VPS16: variants seen among roughly 807,000 people sequenced by gnomAD.
The protein encoded by VPS16 is VPS16 core subunit of CORVET and HOPS complexes, also known as vacuolar protein sorting-associated protein 16 homolog.
A neutral mutation model predicts 116.0 loss-of-function variants in VPS16; 82 were observed. The observed-to-expected ratio is 0.71, with a 90% CI of 0.59 to 0.85. VPS16 has a LOEUF of 0.85. Among genes scored for constraint, VPS16 ranks in the 40% least tolerant of loss-of-function variants. VPS16 has a pLI of 0.00. For missense variants in VPS16, 928 were observed against 1,090.6 expected, an observed-to-expected ratio of 0.85 and a Z score of 2.10; for synonymous variants, 406 against 420.7, an observed-to-expected ratio of 0.96 and a Z score of 0.43.
rs6115700 is a variant in VPS16 at position 2,863,879 on chromosome 20, C to T, written c.1477-70C>T. The T allele has an allele frequency of 6.0e-5, 95 of 1,582,906 alleles. No homozygotes were observed. The highest frequency in any genetic ancestry group is 7.6e-5 in the Non-Finnish European group (88 of 1,161,202). ...AGGAAGGGAACTGAAGGGGTGGGTC[C>T]TAAGGGCTTGCAGGAGTGGAGAGTG... On this transcript the variant is annotated intron_variant, in intron 15 of 23. Transcript: ENST00000380445. This position sits in a 1 kb window ranked among gnomAD's most constrained non-coding sequence, Gnocchi z 4.4.
chr20:2,846,638 G>T (rs60988802), intron 1 of VPS16, among the ~76,000 whole-genome samples: 28,255 of 151,988 alleles, frequency 0.19, 3,910 homozygotes, highest in African/African-American at 0.39. Context: ...TGGGATTTGG[G>T]AATTACTGGA....
chr20:2,854,344 C>G (rs2089151297), intron 1 of VPS16, among the ~76,000 whole-genome samples: 1 of 151,394 alleles, frequency 6.6e-6, no homozygotes, highest in Admixed American at 6.6e-5. Context: ...TCACTTGAGT[C>G]CAGGAGTTTG....
rs375936959 is a variant in VPS16, at chr20:2,866,526, C to T, written c.2472C>T (p.Ala824=). The T allele has an allele frequency of 9.3e-6, 15 of 1,614,168 alleles. No individual in the cohort carries two copies. In the African/African-American group the frequency reaches 1.1e-4, roughly 11 times the overall value. ...ACTGCACGGGAGCCACAGATGGGGC[C>T]ACAGCTGACAAGATTCAACGGGCCA... ...LSHCTGATDG[A]TADKIQRARA... is the part of the protein sequence containing the mutation. The change falls in exon 24 of 24, where the codon GCC becomes GCT. Residue 824 remains alanine (A), a synonymous_variant. Transcript: ENST00000380445.
intron 1 of VPS16, among the ~76,000 whole-genome samples, chr20:2,854,308 C>T (rs2089150975): frequency 6.7e-6 from 1 of 148,914 alleles, no homozygotes; most frequent in Non-Finnish European, 1.5e-5. Context: ...GTAGTCCCAG[C>T]TACTCAGGAG....
At chr20:2,845,440 A>G (rs1186253827) in intron 1 of VPS16, among the ~76,000 whole-genome samples, 1 of 152,068 alleles carries the variant, frequency 6.6e-6, no homozygotes, top group African/African-American at 2.4e-5. Flanking sequence ...TACTCCTGAA[A>G]TTATTTTTAG....
At position 2,864,537 on chromosome 20, in the gene VPS16, G is replaced by A. The variant is rs1239752241; in HGVS notation, c.1819-10G>A. On this transcript the variant is annotated splice_polypyrimidine_tract_variant and intron_variant, in intron 18 of 23. Transcript: ENST00000380445. This position sits in a 1 kb window ranked among gnomAD's most constrained non-coding sequence, Gnocchi z 5.2. ...GGCCTTGCTGACTGATTGCCTGCCT[G>A]TGGCCCCAGTTCTGTAAGCATCAGG... 6.2e-7 allele frequency: 1 copy of A among 1,614,164 alleles called. No homozygotes were observed. The highest frequency in any genetic ancestry group is 2.2e-5 in the East Asian group (1 of 44,886).
At chr20:2,854,557 G>T (rs1348549082) in intron 1 of VPS16, among the ~76,000 whole-genome samples, 1 of 152,084 alleles carries the variant, frequency 6.6e-6, no homozygotes, top group African/African-American at 2.4e-5. Context: ...ACTTTGGGAG[G>T]CTGAGGCAGG....
At position 2,865,956 on chromosome 20, in the gene VPS16, A is replaced by T. The variant is rs966705483; in HGVS notation, c.2272-256A>T. The T allele has an allele frequency of 5.6e-6, 3 of 537,206 alleles. No individual in the cohort carries two copies. Among genetic ancestry groups the T allele is most frequent in the Non-Finnish European group, 1.0e-5 (3 of 298,522 alleles). The allele number at this position is 537,206 out of a possible 1,614,324, so 33.3% of individuals were successfully genotyped here. ...GCAGGAACGCCTGTTGCAAGGGGTA[A>T]TGGTGGGTGGTAGAGCAGAAGCGTG... On this transcript the variant is annotated intron_variant, in intron 22 of 23. Transcript: ENST00000380445. This position sits in a 1 kb window ranked among gnomAD's most constrained non-coding sequence, Gnocchi z 5.2.
chr20:2,847,548 G>A lies in VPS16; in HGVS notation c.53+6721G>A, dbSNP rs1302325007. 6.0e-5 allele frequency among the ~76,000 whole-genome samples: 9 copies of A among 150,212 alleles called. No individual in the cohort carries two copies. The East Asian group carries it at 1.2e-3, about 20-fold the overall frequency. On this transcript the variant is annotated intron_variant, in intron 1 of 23. Transcript: ENST00000380445. ...GGCTGGAGTGCAATGGCATGATCTC[G>A]GCTCACTGCAACCTCTGCCTTCCGG... is the stretch of plus-strand genomic sequence containing the variant.
chr20:2,846,531 C>G (rs2089061835), intron 1 of VPS16, among the ~76,000 whole-genome samples: 1 of 152,144 alleles, frequency 6.6e-6, no homozygotes, highest in African/African-American at 2.4e-5. Context: ...TTTTACATTC[C>G]CAGCAACAAT....
rs192365764 is a variant in VPS16, at chr20:2,853,008, C to T, written c.54-6711C>T. On this transcript the variant is annotated intron_variant, in intron 1 of 23. Transcript: ENST00000380445. ...AATTGGAGTTAATCCTTTCAAACCACGCCGCTGCTTTATTAACTAAGTATA... is the reference window on the plus strand; with the variant it reads ...AATTGGAGTTAATCCTTTCAAACCATGCCGCTGCTTTATTAACTAAGTATA... 1.3e-4 allele frequency among the ~76,000 whole-genome samples: 20 copies of T among 152,336 alleles called. No individual in the cohort carries two copies. The East Asian group carries it at 3.1e-3, about 23-fold the overall frequency.
rs771740378 is a variant in VPS16, at chr20:2,864,545, A to G, written c.1819-2A>G. ...TGACTGATTGCCTGCCTGTGGCCCCAGTTCTGTAAGCATCAGGAGCTAGAG... is the reference window on the plus strand; with the variant it reads ...TGACTGATTGCCTGCCTGTGGCCCCGGTTCTGTAAGCATCAGGAGCTAGAG... On this transcript the variant is annotated splice_acceptor_variant, in intron 18 of 23. Coordinates refer to ENST00000380445, the MANE Select transcript of VPS16 (RefSeq NM_022575.4). LOFTEE classifies it high-confidence loss of function. This position sits in a 1 kb window ranked among gnomAD's most constrained non-coding sequence, Gnocchi z 5.2. 43 of 1,613,998 alleles carry G rather than the reference A, an allele frequency of 2.7e-5. No homozygotes were observed. Among genetic ancestry groups the G allele is most frequent in the Non-Finnish European group, 3.5e-5 (41 of 1,180,018 alleles).
chr20:2,863,402 AG>A lies in VPS16; in HGVS notation c.1476+6del. 6.2e-7 allele frequency: 1 copy of A among 1,613,880 alleles called. No individual in the cohort carries two copies. Among genetic ancestry groups the A allele is most frequent in the Non-Finnish European group, 8.5e-7 (1 of 1,179,820 alleles). ...GGCCCACTGGGCCTGCTACAAGGCA[AG>A]GATGTGGGATGGGGTCCAAGGGCAT... is the stretch of plus-strand genomic sequence containing the variant. On this transcript the variant is annotated splice_donor_5th_base_variant and intron_variant, in intron 15 of 23. Transcript: ENST00000380445. The surrounding 1 kb of genome is among the most constrained non-coding windows in gnomAD (Gnocchi z 4.4).
At chr20:2,862,316 G>C (rs991667577) in intron 11 of VPS16, 186 bp downstream of exon 11, 1 of 958,988 alleles carries the variant, frequency 1.0e-6, no homozygotes, top group African/African-American at 1.7e-5. Context: ...TGATAGGGAC[G>C]GGCAGAGCAT....
At position 2,864,542 on chromosome 20, in the gene VPS16, C is replaced by A; in HGVS notation, c.1819-5C>A. Reference sequence around the variant, plus strand: ...TGCTGACTGATTGCCTGCCTGTGGCCCCAGTTCTGTAAGCATCAGGAGCTA... The same window carrying A: ...TGCTGACTGATTGCCTGCCTGTGGCACCAGTTCTGTAAGCATCAGGAGCTA... On this transcript the variant is annotated splice_region_variant and splice_polypyrimidine_tract_variant and intron_variant, in intron 18 of 23. Transcript: ENST00000380445. The surrounding 1 kb of genome is among the most constrained non-coding windows in gnomAD (Gnocchi z 5.2). The A allele has an allele frequency of 1.2e-6, 2 of 1,614,102 alleles. No individual in the cohort carries two copies. The highest frequency in any genetic ancestry group is 1.1e-5 in the South Asian group (1 of 91,090).
intron 1 of VPS16, among the ~76,000 whole-genome samples, chr20:2,852,352 T>C (rs1370853024): frequency 6.6e-6 from 1 of 152,180 alleles, no homozygotes; most frequent in Non-Finnish European, 1.5e-5. Context: ...AAAGGAATGC[T>C]GACCATTACC....
Position 2,860,913 on chromosome 20 carries a change from G to A in VPS16, c.630+50G>A, listed in dbSNP as rs369907701. 75 of 1,613,940 alleles carry A rather than the reference G, an allele frequency of 4.6e-5. No homozygotes were observed. In the African/African-American group the frequency reaches 5.7e-4, roughly 12 times the overall value. On this transcript the variant is annotated intron_variant, in intron 6 of 23. Coordinates refer to ENST00000380445, the MANE Select transcript of VPS16 (RefSeq NM_022575.4). This position sits in a 1 kb window ranked among gnomAD's most constrained non-coding sequence, Gnocchi z 6.1. ...GTGGACGGGCTGGGTTAGGCAATAG[G>A]GAGGTTCTGAAAAGTCAGTATGTAT...
In VPS16 at chr20:2,859,817, C is replaced by T. The variant is rs774787586; in HGVS notation, c.142+10C>T. On this transcript the variant is annotated intron_variant, in intron 2 of 23. Transcript: ENST00000380445. ...TATGGGGGCCCCATTGGTATGTTGC[C>T]CCTCCACCACCACCTGCTCTGGGAC... 1.2e-6 allele frequency: 2 copies of T among 1,603,706 alleles called. No individual in the cohort carries two copies. Among genetic ancestry groups the T allele is most frequent in the African/African-American group, 2.7e-5 (2 of 74,150 alleles).
intron 1 of VPS16, among the ~76,000 whole-genome samples, chr20:2,851,344 C>T (rs6051431): frequency 0.47 from 71,084 of 152,056 alleles, 18,649 homozygotes; most frequent in African/African-American, 0.71. Context: ...CATGGTGGCT[C>T]ACGCCTGTAA....
Sources: gnomAD v4.1 joint callset for allele counts (sites outside exome capture counted in the v4.1 genomes callset) on GRCh38, gnomAD v4.1.1 for gene constraint, Gnocchi (gnomAD v3.1) non-coding constraint, MANE v1.5 for transcripts, NCBI Gene and HGNC (gene_info 2026-07-23, HGNC 2026-07-21) for gene names.